ENTPD1: variants seen among roughly 807,000 people sequenced by gnomAD.
The protein encoded by ENTPD1 is ectonucleoside triphosphate diphosphohydrolase 1.
A neutral mutation model predicts 57.0 loss-of-function variants in ENTPD1; 33 were observed. The ratio of observed to expected loss-of-function variants is 0.58; its 90% CI spans 0.44 to 0.77. The LOEUF (loss-of-function observed/expected upper bound fraction) is 0.77, where lower values mean the gene tolerates loss of function less well. ENTPD1 is among the 30% of genes least tolerant of loss of function. The pLI, the probability that ENTPD1 is intolerant of heterozygous loss-of-function variation, is 0.00. For synonymous variants in ENTPD1, 202 were observed against 218.8 expected, an observed-to-expected ratio of 0.92 and a Z score of 0.68; for missense variants, 501 against 603.4, an observed-to-expected ratio of 0.83 and a Z score of 1.78.
chr10:95,765,072 G>T (rs1486570501), intron 1 of ENTPD1, among the ~76,000 whole-genome samples: 1 of 152,036 alleles, frequency 6.6e-6, no homozygotes, highest in African/African-American at 2.4e-5. Flanking sequence ...GAGTTGCAAT[G>T]ATTCCTTATA....
At chr10:95,704,228 CAT>C in the ENTPD1 span, among the ~76,000 whole-genome samples, 4 of 152,230 alleles carry the variant, frequency 2.6e-5, no homozygotes, top group African/African-American at 9.6e-5. Flanking sequence ...TTCCCAAATT[CAT>C]GTATAGATTC....
At position 95,866,714 on chromosome 10, in the gene ENTPD1, T is replaced by G. The variant is rs1322207853; in HGVS notation, c.*331T>G. Reference sequence around the variant, plus strand: ...CAATATTGACTTTGTCTAGAAGAACTGAGAGTCTTGAGTCCTGTGATAGGA... The same window carrying G: ...CAATATTGACTTTGTCTAGAAGAACGGAGAGTCTTGAGTCCTGTGATAGGA... On this transcript the variant is annotated 3_prime_UTR_variant, in exon 10 of 10. Transcript: ENST00000371205. 8.5e-7 allele frequency: 1 copy of G among 1,179,046 alleles called. No homozygotes were observed. The highest frequency in any genetic ancestry group is 1.1e-6 in the Non-Finnish European group (1 of 940,474). 73.0% of individuals were successfully genotyped at this position (1,179,046 alleles called of 1,614,324 possible).
intron 1 of ENTPD1, among the ~76,000 whole-genome samples, chr10:95,797,037 C>T (rs1251549525): frequency 6.6e-6 from 1 of 151,986 alleles, no homozygotes; most frequent in Admixed American, 6.6e-5. Context: ...TATGCCACTG[C>T]ACTCCAGCCT....
chr10:95,701,862 A>G, the ENTPD1 span, among the ~76,000 whole-genome samples: 1 of 152,172 alleles, frequency 6.6e-6, no homozygotes, highest in Non-Finnish European at 1.5e-5. Flanking sequence ...CACAAAAATT[A>G]CAAACTAATT....
the ENTPD1 span, among the ~76,000 whole-genome samples, chr10:95,704,688 G>A: frequency 1.3e-5 from 2 of 152,032 alleles, no homozygotes; most frequent in Non-Finnish European, 2.9e-5. Flanking sequence ...CTTCTAGAAC[G>A]TGATGTAAGA....
intron 1 of ENTPD1, among the ~76,000 whole-genome samples, chr10:95,803,674 A>C (rs556379397): frequency 8.5e-5 from 13 of 152,122 alleles, no homozygotes; most frequent in African/African-American, 2.9e-4. Context: ...CTCTGATGGT[A>C]GTTTCTTTTG....
chr10:95,769,911 G>A (rs2098108362), intron 1 of ENTPD1, among the ~76,000 whole-genome samples: 1 of 152,162 alleles, frequency 6.6e-6, no homozygotes, highest in Non-Finnish European at 1.5e-5. Flanking sequence ...TGAGAAGACT[G>A]TAGGAGGAAT....
chr10:95,695,527 A>T, the ENTPD1 span, among the ~76,000 whole-genome samples: 1 of 152,166 alleles, frequency 6.6e-6, no homozygotes, highest in Non-Finnish European at 1.5e-5. Context: ...TTTATTTTCT[A>T]ATGTTTTGAA....
the ENTPD1 span, among the ~76,000 whole-genome samples, chr10:95,697,020 C>G: frequency 1.3e-5 from 2 of 152,054 alleles, no homozygotes; most frequent in African/African-American, 4.8e-5. Flanking sequence ...TCTCATGGGC[C>G]AGACATTATA....
chr10:95,758,886 T>C (rs1452030177), intron 1 of ENTPD1, among the ~76,000 whole-genome samples: 2 of 152,214 alleles, frequency 1.3e-5, no homozygotes, highest in African/African-American at 2.4e-5. Context: ...CAGGTTTCAA[T>C]GACCTTCTCC....
intron 1 of ENTPD1, among the ~76,000 whole-genome samples, chr10:95,712,923 A>G (rs2097967297): frequency 6.6e-6 from 1 of 151,660 alleles, no homozygotes; most frequent in African/African-American, 2.4e-5. Context: ...AGTCCCAACT[A>G]CTCGGGAGGC....
chr10:95,753,330 T>G (rs2098015151), upstream of ENTPD1: 1 of 152,238 alleles, frequency 6.6e-6, no homozygotes, highest in Non-Finnish European at 1.5e-5. Flanking sequence ...AACCATAGTA[T>G]TTTCATGATG....
At chr10:95,743,957 C>T (rs1158589940) in intron 1 of ENTPD1, among the ~76,000 whole-genome samples, 1 of 144,294 alleles carries the variant, frequency 6.9e-6, no homozygotes, top group Non-Finnish European at 1.5e-5. Context: ...TATAGGCCCA[C>T]TCTGCTGACA....
chr10:95,756,091 G>C, upstream of ENTPD1: 1 of 1,520,170 alleles, frequency 6.6e-7, no homozygotes, highest in African/African-American at 1.4e-5. Flanking sequence ...TTCCGAAACG[G>C]GGCCGGCTAA....
chr10:95,709,634 T>G (rs759543463), upstream of ENTPD1, among the ~76,000 whole-genome samples: 10 of 152,356 alleles, frequency 6.6e-5, no homozygotes, highest in Middle Eastern at 3.4e-3. Flanking sequence ...TCCGCCGGCC[T>G]TGGCCTCCCA....
intron 1 of ENTPD1, among the ~76,000 whole-genome samples, chr10:95,783,037 G>C (rs1037121879): frequency 1.3e-5 from 2 of 151,806 alleles, no homozygotes; most frequent in Non-Finnish European, 2.9e-5. Flanking sequence ...GTGTGTGTTT[G>C]TGTGTGTGTG....
chr10:95,858,568 C>T (rs1404204490), intron 7 of ENTPD1, among the ~76,000 whole-genome samples: 1 of 152,030 alleles, frequency 6.6e-6, no homozygotes, highest in Non-Finnish European at 1.5e-5. Flanking sequence ...TTGCAGTATC[C>T]ACACGAGATG....
upstream of ENTPD1, chr10:95,756,108 C>G (rs915041908): frequency 6.5e-7 from 1 of 1,528,664 alleles, no homozygotes; most frequent in Non-Finnish European, 8.8e-7. Flanking sequence ...CTAATTTAGC[C>G]CCTCCCACGA....
chr10:95,714,133 A>G (rs1162965607), intron 1 of ENTPD1, among the ~76,000 whole-genome samples: 3 of 152,136 alleles, frequency 2.0e-5, no homozygotes, highest in African/African-American at 7.2e-5. Flanking sequence ...CAACATAGTG[A>G]AACCCCATCT....
Sources: allele counts gnomAD v4.1 joint callset (sites outside exome capture counted in the v4.1 genomes callset), GRCh38; gene constraint gnomAD v4.1.1; transcripts MANE v1.5; gene names NCBI Gene and HGNC (gene_info 2026-07-23, HGNC 2026-07-21).